MREG: variants seen among roughly 807,000 people sequenced by gnomAD.
MREG encodes dilute suppressor protein homolog.
A neutral mutation model predicts 28.5 loss-of-function variants in MREG; 31 were observed. That is an observed-to-expected ratio of 1.09 (90% CI 0.82 to 1.47). The LOEUF is 1.47. Among genes scored for constraint, MREG ranks in the 40% most tolerant of loss-of-function variants. The pLI is 0.00. For missense variants in MREG, 256 were observed against 257.4 expected, an observed-to-expected ratio of 0.99 and a Z score of 0.04; for synonymous variants, 106 against 95.2, an observed-to-expected ratio of 1.11 and a Z score of -0.66.
intron 2 of MREG, among the ~76,000 whole-genome samples, chr2:215,965,723 C>CT (rs748246653): frequency 5.3e-5 from 8 of 152,102 alleles, no homozygotes; most frequent in Non-Finnish European, 1.0e-4. Flanking sequence ...AATTACAGTC[C>CT]TTTTTTACCT....
upstream of MREG, among the ~76,000 whole-genome samples, chr2:216,014,659 A>AAT (rs1432206480): frequency 2.6e-5 from 4 of 151,690 alleles, no homozygotes; most frequent in Non-Finnish European, 4.4e-5. Context: ...AAAAAAAAAA[A>AAT]AATAAAATTA....
intron 1 of MREG, among the ~76,000 whole-genome samples, chr2:216,001,598 T>C (rs1352547174): frequency 6.6e-6 from 1 of 152,174 alleles, no homozygotes; most frequent in Non-Finnish European, 1.5e-5. Flanking sequence ...CTTTGGGGCA[T>C]AGGAAAGGTG....
chr2:216,026,620 CA>C (rs932393273), intron 1 of MREG, among the ~76,000 whole-genome samples: 55 of 152,148 alleles, frequency 3.6e-4, no homozygotes, highest in Non-Finnish European at 4.6e-4. Flanking sequence ...CTCTGCCTCA[CA>C]AAGTGCTGGG....
chr2:215,998,603 CA>C (rs1260432587), intron 1 of MREG, among the ~76,000 whole-genome samples: 1 of 152,140 alleles, frequency 6.6e-6, no homozygotes, highest in Non-Finnish European at 1.5e-5. Flanking sequence ...TGCTCAGAAC[CA>C]CGCTGTTTTT....
At chr2:215,945,078 A>G in intron 4 of MREG, 81 bp from the exon 5 acceptor site, 1 of 1,386,290 alleles carries the variant, frequency 7.2e-7, no homozygotes, top group Non-Finnish European at 9.7e-7. Context: ...CAATCTAACA[A>G]CAACAAAACC....
intron 2 of MREG, among the ~76,000 whole-genome samples, chr2:215,964,788 G>C (rs902633434): frequency 1.3e-5 from 2 of 152,040 alleles, no homozygotes; most frequent in Non-Finnish European, 2.9e-5. Flanking sequence ...ATATAAAAAT[G>C]GGCAAAATCT....
intron 2 of MREG, among the ~76,000 whole-genome samples, chr2:215,982,123 C>A (rs1328678365): frequency 6.6e-6 from 1 of 152,116 alleles, no homozygotes; most frequent in Admixed American, 6.5e-5. Flanking sequence ...GAGTTCAAGA[C>A]CAGCCTGACC....
chr2:215,976,035 G>C (rs1048605804), intron 2 of MREG, among the ~76,000 whole-genome samples: 12 of 152,020 alleles, frequency 7.9e-5, no homozygotes, highest in African/African-American at 2.9e-4. Flanking sequence ...TTGAACCCAG[G>C]AGGCAGGGGT....
At chr2:216,010,212 C>T (rs945941565) in intron 1 of MREG, among the ~76,000 whole-genome samples, 1 of 152,010 alleles carries the variant, frequency 6.6e-6, no homozygotes, top group Non-Finnish European at 1.5e-5. Context: ...TGTGTGGCCA[C>T]AAGTCAAGGA....
upstream of MREG, among the ~76,000 whole-genome samples, chr2:216,015,719 G>C (rs2105928318): frequency 6.6e-6 from 1 of 152,308 alleles, no homozygotes; most frequent in South Asian, 2.1e-4. Context: ...AGCAGTCGAG[G>C]TGGTAAGGAA....
chr2:216,001,265 A>G (rs952978173), intron 1 of MREG, among the ~76,000 whole-genome samples: 2 of 152,174 alleles, frequency 1.3e-5, no homozygotes, highest in Admixed American at 1.3e-4. Flanking sequence ...AGAAGTGCCC[A>G]TGTCTCCAGA....
upstream of MREG, chr2:216,033,543 A>G (rs1035351022): frequency 6.6e-6 from 1 of 152,382 alleles, no homozygotes; most frequent in East Asian, 1.9e-4. Context: ...GCCAGGAAGC[A>G]GCAAGCAGAA....
Position 215,953,255 on chromosome 2 carries a change from C to T in MREG, c.256-6142G>A, listed in dbSNP as rs554561094. 2.1e-4 allele frequency among the ~76,000 whole-genome samples: 32 copies of T among 152,374 alleles called. No homozygotes were observed. The Middle Eastern group carries it at 0.014, about 65-fold the overall frequency. On this transcript the variant is annotated intron_variant, in intron 2 of 4. Coordinates refer to ENST00000263268, the MANE Select transcript of MREG (RefSeq NM_018000.3). ...TACACTCAGACTTTCCCTTGCAGAACAGTTATAGTCTTAGCTCTCAGAGTG... is the reference window on the plus strand; with the variant it reads ...TACACTCAGACTTTCCCTTGCAGAATAGTTATAGTCTTAGCTCTCAGAGTG...
chr2:215,945,216 C>T (rs1692288951), intron 4 of MREG, among the ~76,000 whole-genome samples: 1 of 152,192 alleles, frequency 6.6e-6, no homozygotes, highest in African/African-American at 2.4e-5. Context: ...GTCCTTTCTC[C>T]TTTCAGATTA....
chr2:215,989,085 T>G (rs1693656094), intron 2 of MREG, among the ~76,000 whole-genome samples: 1 of 152,180 alleles, frequency 6.6e-6, no homozygotes, highest in Non-Finnish European at 1.5e-5. Flanking sequence ...CTGACCCCTA[T>G]GCCTCCTGAC....
intron 1 of MREG, among the ~76,000 whole-genome samples, chr2:216,029,302 A>G (rs1694644471): frequency 6.6e-6 from 1 of 151,890 alleles, no homozygotes; most frequent in Non-Finnish European, 1.5e-5. Context: ...ACATGGTGAA[A>G]CCCTGTCTCT....
intron 2 of MREG, among the ~76,000 whole-genome samples, chr2:215,976,485 C>T (rs1265888366): frequency 1.3e-5 from 2 of 152,144 alleles, no homozygotes; most frequent in Non-Finnish European, 2.9e-5. Context: ...CCATCTACCA[C>T]CATCAAAGGA....
chr2:215,954,851 G>A (rs916371731), intron 2 of MREG, among the ~76,000 whole-genome samples: 2 of 151,926 alleles, frequency 1.3e-5, no homozygotes, highest in East Asian at 1.9e-4. Flanking sequence ...TTACAGGCAC[G>A]CACCACAATG....
intron 2 of MREG, among the ~76,000 whole-genome samples, chr2:215,971,720 CTG>C (rs1011245746): frequency 1.3e-5 from 2 of 152,138 alleles, no homozygotes; most frequent in Admixed American, 6.5e-5. Flanking sequence ...GCTTCCTTTC[CTG>C]TGTGTGTTAC....
Sources: allele counts gnomAD v4.1 joint callset (sites outside exome capture counted in the v4.1 genomes callset), GRCh38; gene constraint gnomAD v4.1.1; transcripts MANE v1.5; gene names NCBI Gene and HGNC (gene_info 2026-07-23, HGNC 2026-07-21).